The following ERBIN variants were observed in gnomAD, a reference collection of about 807,000 sequenced individuals.
ERBIN encodes the protein densin-180-like protein.
In ERBIN, 60 loss-of-function variants were observed where a neutral mutation model predicts 158.4. The ratio of observed to expected loss-of-function variants is 0.38; its 90% CI spans 0.31 to 0.47. The LOEUF (loss-of-function observed/expected upper bound fraction) is 0.47, where lower values mean the gene tolerates loss of function less well. Among genes scored for constraint, ERBIN ranks in the 20% least tolerant of loss-of-function variants. The pLI is 0.99. For synonymous variants in ERBIN, 594 were observed against 557.2 expected (o/e 1.07, Z -0.93); for missense variants, 1,610 against 1,648.0 (o/e 0.98, Z 0.40).
intron 1 of ERBIN, among the ~76,000 whole-genome samples, chr5:65,952,786 A>G (rs757677250): frequency 6.6e-5 from 10 of 152,220 alleles, no homozygotes; most frequent in Non-Finnish European, 1.0e-4. Flanking sequence ...CTATTAGCTT[A>G]AAGGATCTTA....
At chr5:66,011,485 C>A (rs999780819) in intron 4 of ERBIN, among the ~76,000 whole-genome samples, 1 of 152,088 alleles carries the variant, frequency 6.6e-6, no homozygotes, top group Admixed American at 6.6e-5. Flanking sequence ...GTCAGGAGTT[C>A]GAGACCAGTC....
At chr5:65,946,925 C>A (rs1745833254) in intron 1 of ERBIN, among the ~76,000 whole-genome samples, 1 of 151,116 alleles carries the variant, frequency 6.6e-6, no homozygotes, top group Non-Finnish European at 1.5e-5. Flanking sequence ...CATCTATATT[C>A]TCTTCATATC....
chr5:65,987,823 C>CA (rs1458897027), intron 1 of ERBIN, among the ~76,000 whole-genome samples: 3 of 127,716 alleles, frequency 2.3e-5, no homozygotes, highest in Non-Finnish European at 4.8e-5. Flanking sequence ...CCAGCCTGGG[C>CA]AACAGAGTGA....
chr5:66,071,493 A>C (rs1000041031), intron 21 of ERBIN, among the ~76,000 whole-genome samples: 1 of 152,240 alleles, frequency 6.6e-6, no homozygotes, highest in African/African-American at 2.4e-5. Context: ...GATATTAACC[A>C]GTTAATTGGT....
chr5:65,974,986 T>C (rs566091425), intron 1 of ERBIN, among the ~76,000 whole-genome samples: 1 of 152,224 alleles, frequency 6.6e-6, no homozygotes, highest in South Asian at 2.1e-4. Context: ...GAGAAGTGAA[T>C]TTAGATTGTC....
rs1413949345 is a variant in ERBIN, at chr5:66,079,100, T to C, written c.*570T>C. On this transcript the variant is annotated 3_prime_UTR_variant, in exon 26 of 26. Coordinates refer to ENST00000284037, the MANE Select transcript of ERBIN (RefSeq NM_001253697.2). The stretch of plus-strand genomic sequence containing the variant: ...GCCAGACTAAAACAGTTATTTTCTA[T>C]AAAAATCTGGAAGCAAAGAATGGGG... 3.9e-5 allele frequency: 6 copies of C among 152,728 alleles called. No homozygotes were observed. Among genetic ancestry groups the C allele is most frequent in the Non-Finnish European group, 8.8e-5 (6 of 68,118 alleles). 9.5% of individuals were successfully genotyped at this position (152,728 alleles called of 1,614,324 possible). A position where few individuals can be genotyped will look rare whatever the true frequency, so the allele number is the denominator to read the frequency against.
intron 1 of ERBIN, among the ~76,000 whole-genome samples, chr5:65,966,357 A>G (rs1748612067): frequency 2.0e-5 from 3 of 152,178 alleles, no homozygotes. Context: ...GTATATGATA[A>G]CTTTTATTAT....
At chr5:66,014,414 T>C (rs1754506374) in intron 6 of ERBIN, among the ~76,000 whole-genome samples, 1 of 152,210 alleles carries the variant, frequency 6.6e-6, no homozygotes, top group African/African-American at 2.4e-5. Flanking sequence ...TCTGGAGGAT[T>C]GATACTTTGG....
At chr5:65,940,232 G>C (rs1374493370) in intron 1 of ERBIN, among the ~76,000 whole-genome samples, 5 of 151,046 alleles carry the variant, frequency 3.3e-5, no homozygotes, top group East Asian at 2.0e-4. Flanking sequence ...GCCTCTACCC[G>C]GCCGTGACCC....
At chr5:66,018,548 A>ATATATTATATTATATAATATATAT (rs1459160740) in intron 7 of ERBIN, among the ~76,000 whole-genome samples, 2 of 10,154 alleles carry the variant, frequency 2.0e-4, no homozygotes, top group African/African-American at 1.3e-3. Flanking sequence ...AATATATATT[A>ATATATTATATTATATAATATATAT]TATATTATAT....
chr5:66,035,897 C>G (rs1757348809), intron 14 of ERBIN, among the ~76,000 whole-genome samples: 1 of 152,072 alleles, frequency 6.6e-6, no homozygotes, highest in Admixed American at 6.6e-5. Context: ...AGTTTGAGAC[C>G]TGCCTGGGTG....
At chr5:66,070,944 A>G (rs1284903801) in intron 21 of ERBIN, among the ~76,000 whole-genome samples, 2 of 152,200 alleles carry the variant, frequency 1.3e-5, no homozygotes, top group African/African-American at 2.4e-5. Context: ...GAATGTAACA[A>G]TAGTGCTATT....
chr5:66,062,371 G>A (rs1007566040), intron 21 of ERBIN, among the ~76,000 whole-genome samples: 3 of 152,110 alleles, frequency 2.0e-5, no homozygotes, highest in Non-Finnish European at 2.9e-5. Context: ...CATAGTTCTC[G>A]TGCTGTGGTT....
In ERBIN at chr5:66,025,956, C is replaced by T. The variant is rs146856556; in HGVS notation, c.999C>T (p.Tyr333=). 884 of 1,586,768 alleles carry T rather than the reference C, an allele frequency of 5.6e-4. 6 individuals are homozygous for T. The Middle Eastern group carries it at 6.0e-3, about 11-fold the overall frequency. ...GAACTTTTGCTGCTGATCATAATTA[C>T]TTACAGCAGTTGCCCCCAGAGGTAA... is the stretch of plus-strand genomic sequence containing the variant. ...NLRTFAADHN[Y]LQQLPPEIGS... The change falls in exon 12 of 26, where the codon TAC becomes TAT. Residue 333 remains tyrosine, a synonymous_variant. Transcript: ENST00000284037.
Position 65,940,606 on chromosome 5 carries a change from C to A in ERBIN, c.-58+13800C>A, listed in dbSNP as rs1211435169. On this transcript the variant is annotated intron_variant, in intron 1 of 25. Coordinates refer to ENST00000284037, the MANE Select transcript of ERBIN (RefSeq NM_001253697.2). ...GCCGCCCCTACTGGGAAGTGAGGAG[C>A]CCCTCTGCCCGGCCAGCCGCCCCGT... Among the ~76,000 whole-genome samples the A allele has an allele frequency of 3.1e-3, 249 of 79,208 alleles. 13 individuals are homozygous for A. The highest frequency in any genetic ancestry group is 0.011 in the African/African-American group (236 of 21,412). 52.0% of individuals were successfully genotyped at this position (79,208 alleles called of 152,430 possible).
intron 1 of ERBIN, among the ~76,000 whole-genome samples, chr5:65,945,244 G>A (rs888857857): frequency 6.6e-6 from 1 of 152,202 alleles, no homozygotes; most frequent in Non-Finnish European, 1.5e-5. Flanking sequence ...CCTTGTTTCA[G>A]CCAGCTGTCA....
Position 65,970,029 on chromosome 5 carries a change from T to C in ERBIN, c.-57-18606T>C, listed in dbSNP as rs538019871. Among the ~76,000 whole-genome samples, 112 of 152,370 alleles carry C rather than the reference T, an allele frequency of 7.4e-4. 2 individuals are homozygous for C. The South Asian group carries it at 0.016, about 21-fold the overall frequency. On this transcript the variant is annotated intron_variant, in intron 1 of 25. Coordinates refer to ENST00000284037, the MANE Select transcript of ERBIN (RefSeq NM_001253697.2). ...TTCGTATATTGAGTGGTTTCACTTT[T>C]GTTACCTTGCCCCAAAGTAATTGAA...
chr5:66,074,292 A>G (rs1002763941), intron 22 of ERBIN, among the ~76,000 whole-genome samples: 1 of 152,136 alleles, frequency 6.6e-6, no homozygotes, highest in Non-Finnish European at 1.5e-5. Flanking sequence ...AATGAGAGGC[A>G]TTAAAACAAA....
chr5:66,025,720 G>A, intron 11 of ERBIN, 128 bp from the exon 12 acceptor site: 2 of 866,514 alleles, frequency 2.3e-6, no homozygotes. Context: ...TATTGGTGAA[G>A]TTTAGCTTTG....
Sources: allele counts gnomAD v4.1 joint callset (sites outside exome capture counted in the v4.1 genomes callset), GRCh38; gene constraint gnomAD v4.1.1; transcripts MANE v1.5; gene names NCBI Gene and HGNC (gene_info 2026-07-23, HGNC 2026-07-21).